SHB: variants seen among roughly 807,000 people sequenced by gnomAD.
The protein encoded by SHB is SH2 domain-containing adapter protein B.
In SHB, 20 loss-of-function variants were observed where a neutral mutation model predicts 52.3. The observed-to-expected ratio is 0.38, with a 90% confidence interval of 0.27 to 0.56. SHB has a LOEUF of 0.56. SHB is among the 20% of genes least tolerant of loss of function. The pLI, the probability that SHB is intolerant of heterozygous loss-of-function variation, is 0.71. For synonymous variants in SHB, 397 were observed against 316.5 expected (o/e 1.25, Z -2.70); for missense variants, 825 against 723.3 (o/e 1.14, Z -1.61).
intron 1 of SHB, among the ~76,000 whole-genome samples, chr9:38,043,745 T>C (rs1821610125): frequency 6.6e-6 from 1 of 152,040 alleles, no homozygotes; most frequent in South Asian, 2.1e-4. Context: ...CAAAACTAGC[T>C]GGGTGTGGTG....
intron 2 of SHB, among the ~76,000 whole-genome samples, chr9:38,008,614 C>T (rs117806823): frequency 0.012 from 1,851 of 152,354 alleles, 18 homozygotes; most frequent in Middle Eastern, 0.034. Context: ...CTGTGGCTTG[C>T]TGCTGTGTAA....
intron 2 of SHB, among the ~76,000 whole-genome samples, chr9:37,994,676 A>G (rs1820926368): frequency 6.6e-6 from 1 of 152,256 alleles, no homozygotes; most frequent in Admixed American, 6.5e-5. Flanking sequence ...ATAAAACCCC[A>G]TGCAGATGTT....
intron 2 of SHB, among the ~76,000 whole-genome samples, chr9:38,007,786 A>C (rs1313678549): frequency 6.6e-6 from 1 of 152,224 alleles, no homozygotes; most frequent in Admixed American, 6.5e-5. Flanking sequence ...ATGTAAAAAA[A>C]GTATGTAATA....
intron 1 of SHB, among the ~76,000 whole-genome samples, chr9:38,030,660 C>A (rs926412507): frequency 6.6e-6 from 1 of 152,166 alleles, no homozygotes; most frequent in African/African-American, 2.4e-5. Context: ...CCTGCCATCA[C>A]CATTTGGAAA....
At chr9:37,995,047 T>C (rs1052076451) in intron 2 of SHB, among the ~76,000 whole-genome samples, 3 of 152,148 alleles carry the variant, frequency 2.0e-5, no homozygotes, top group Non-Finnish European at 4.4e-5. Context: ...TTGGCACTCT[T>C]CCACTAGCTG....
chr9:38,015,181 T>C (rs1428538268), intron 2 of SHB, among the ~76,000 whole-genome samples: 1 of 152,200 alleles, frequency 6.6e-6, no homozygotes, highest in Non-Finnish European at 1.5e-5. Flanking sequence ...AGGGGCAGCC[T>C]ACACAGCTGC....
At chr9:38,040,910 G>A (rs964844759) in intron 1 of SHB, among the ~76,000 whole-genome samples, 3 of 151,928 alleles carry the variant, frequency 2.0e-5, no homozygotes, top group Non-Finnish European at 2.9e-5. Context: ...TGCGGGGTGG[G>A]GTTAGGTGGG....
chr9:37,947,943 T>C (rs1056534208), intron 5 of SHB, among the ~76,000 whole-genome samples: 5 of 152,214 alleles, frequency 3.3e-5, no homozygotes, highest in Admixed American at 6.5e-5. Context: ...TTCTGTAAAA[T>C]GGGTTTAGGC....
intron 1 of SHB, among the ~76,000 whole-genome samples, chr9:38,036,594 G>A (rs1218007092): frequency 2.0e-5 from 3 of 152,174 alleles, no homozygotes; most frequent in Non-Finnish European, 2.9e-5. Flanking sequence ...AATGAGCTCC[G>A]AAAGACAGGG....
chr9:37,958,986 T>A (rs564727443), intron 3 of SHB, among the ~76,000 whole-genome samples: 15 of 152,276 alleles, frequency 9.9e-5, no homozygotes, highest in East Asian at 7.7e-4. Flanking sequence ...TGGGGCCATG[T>A]CATCCTGGAG....
intron 2 of SHB, among the ~76,000 whole-genome samples, chr9:37,982,172 T>TTA (rs1820735702): frequency 6.6e-6 from 1 of 152,084 alleles, no homozygotes; most frequent in South Asian, 2.1e-4. Context: ...AAACATTTTA[T>TTA]TATGGAGAGT....
In SHB at chr9:38,045,947, C is replaced by A. The variant is rs375828753; in HGVS notation, c.717+21982G>T. Among the ~76,000 whole-genome samples the A allele has an allele frequency of 8.5e-5, 13 of 152,076 alleles. No homozygotes were observed. The East Asian group carries it at 2.3e-3, about 27-fold the overall frequency. ...GGGTCATGATTATGAAAAGAGGCAC[C>A]AGGCACAGGTGGCTCACGCCTGTAA... On this transcript the variant is annotated intron_variant, in intron 1 of 5. Coordinates refer to ENST00000377707, the MANE Select transcript of SHB (RefSeq NM_003028.3).
At chr9:37,920,298 A>G (rs1354405830) in intron 5 of SHB, among the ~76,000 whole-genome samples, 1 of 144,914 alleles carries the variant, frequency 6.9e-6, no homozygotes, top group Non-Finnish European at 1.5e-5. Flanking sequence ...AACAAAACAA[A>G]ACAAAACAAA....
intron 5 of SHB, among the ~76,000 whole-genome samples, chr9:37,922,516 C>A (rs778997242): frequency 1.8e-4 from 28 of 152,288 alleles, no homozygotes; most frequent in Non-Finnish European, 3.1e-4. Context: ...GTCCCTCCTG[C>A]CTGTCTGAGC....
At chr9:38,059,996 G>A (rs555665343) in intron 1 of SHB, among the ~76,000 whole-genome samples, 8 of 152,294 alleles carry the variant, frequency 5.3e-5, no homozygotes, top group African/African-American at 1.9e-4. Flanking sequence ...CTTCTACCAT[G>A]CCAACAGAGG....
chr9:38,011,877 GGAGACACCCCCA>G (rs1488334943), intron 2 of SHB, among the ~76,000 whole-genome samples: 1 of 152,198 alleles, frequency 6.6e-6, no homozygotes, highest in Non-Finnish European at 1.5e-5. Flanking sequence ...TAGGGTTTAA[GGAGACACCCCCA>G]GAGATGCTGC....
intron 5 of SHB, among the ~76,000 whole-genome samples, chr9:37,946,302 T>C (rs889353250): frequency 6.6e-6 from 1 of 152,176 alleles, no homozygotes; most frequent in East Asian, 1.9e-4. Context: ...CTCTAGGGAA[T>C]GGCACACCCC....
intron 2 of SHB, among the ~76,000 whole-genome samples, chr9:37,991,620 T>A (rs1443818711): frequency 6.6e-6 from 1 of 152,164 alleles, no homozygotes; most frequent in Non-Finnish European, 1.5e-5. Context: ...GATGAAAGAT[T>A]TCCCTAAAAA....
chr9:38,012,773 GCTTA>G (rs1475873559), intron 2 of SHB, among the ~76,000 whole-genome samples: 2 of 150,204 alleles, frequency 1.3e-5, no homozygotes, highest in Non-Finnish European at 3.0e-5. Context: ...TCAGCGTTAT[GCTTA>G]CTTATTCAAG....
Sources: allele counts gnomAD v4.1 joint callset (sites outside exome capture counted in the v4.1 genomes callset), GRCh38; gene constraint gnomAD v4.1.1; transcripts MANE v1.5; gene names NCBI Gene and HGNC (gene_info 2026-07-23, HGNC 2026-07-21).